Variants in TAOK3 observed in about 807,000 individuals in gnomAD.
The protein encoded by TAOK3 is TAO kinase 3, also known as serine/threonine-protein kinase TAO3.
Under a neutral mutation model 120.4 loss-of-function variants are expected in TAOK3, and 40 were observed. The ratio of observed to expected loss-of-function variants is 0.33; its 90% CI spans 0.26 to 0.43. The LOEUF is 0.43. TAOK3 is among the 20% of genes least tolerant of loss of function. The pLI is 1.00. For missense variants in TAOK3, 821 were observed against 1,112.1 expected, an observed-to-expected ratio of 0.74 and a Z score of 3.72; for synonymous variants, 355 against 387.5, an observed-to-expected ratio of 0.92 and a Z score of 0.99.
chr12:118,346,374 G>A (rs1168224094), intron 1 of TAOK3, among the ~76,000 whole-genome samples: 7 of 152,116 alleles, frequency 4.6e-5, no homozygotes, highest in Admixed American at 4.6e-4. Context: ...ATTTCAAAGT[G>A]ACATATATTT....
At chr12:118,172,338 T>C (rs1243562995) in intron 17 of TAOK3, 119 bp downstream of exon 17, 1 of 1,074,982 alleles carries the variant, frequency 9.3e-7, no homozygotes, top group Non-Finnish European at 1.4e-6. Context: ...TGTTAGCCAC[T>C]GTGCTAAAAG....
rs377072006 is a variant in TAOK3 at position 118,244,527 on chromosome 12, C to CTTTTT, written c.192+362_192+366dup. On this transcript the variant is annotated intron_variant, in intron 4 of 20. Coordinates refer to ENST00000392533, the MANE Select transcript of TAOK3 (RefSeq NM_016281.4). ...AAAGAATTTTGTTAATTTCTTTTTT[C>CTTTTT]TTTTTCTTTTTTTTTTTTTGAGACA... Among the ~76,000 whole-genome samples the CTTTTT allele has an allele frequency of 3.2e-4, 42 of 129,574 alleles. 13 individuals are homozygous for CTTTTT. The highest frequency in any genetic ancestry group is 4.0e-4 in the Admixed American group (5 of 12,346). The allele number at this position is 129,574 out of a possible 152,430, so 85.0% of individuals were successfully genotyped here.
At chr12:118,320,939 T>C (rs2043677349) in intron 1 of TAOK3, among the ~76,000 whole-genome samples, 1 of 152,132 alleles carries the variant, frequency 6.6e-6, no homozygotes, top group Non-Finnish European at 1.5e-5. Flanking sequence ...GTAGCTAATA[T>C]AACAAGAAGC....
chr12:118,213,906 A>G, intron 10 of TAOK3, 111 bp downstream of exon 10: 1 of 903,618 alleles, frequency 1.1e-6, no homozygotes, highest in Non-Finnish European at 1.7e-6. Flanking sequence ...AACAACATAC[A>G]GTGAAGGAAA....
At chr12:118,209,207 A>G (rs1415271528) in intron 11 of TAOK3, among the ~76,000 whole-genome samples, 1 of 152,216 alleles carries the variant, frequency 6.6e-6, no homozygotes, top group African/African-American at 2.4e-5. Flanking sequence ...ACAAAACAAT[A>G]TCCTAAGCAC....
chr12:118,326,756 T>C (rs2043952055), intron 1 of TAOK3, among the ~76,000 whole-genome samples: 1 of 152,236 alleles, frequency 6.6e-6, no homozygotes, highest in African/African-American at 2.4e-5. Flanking sequence ...TATCAGTTGC[T>C]GGTAAAACAT....
intron 1 of TAOK3, among the ~76,000 whole-genome samples, chr12:118,337,461 G>A (rs1176766804): frequency 6.6e-6 from 1 of 152,196 alleles, no homozygotes; most frequent in Non-Finnish European, 1.5e-5. Flanking sequence ...AAACTTGTAC[G>A]AGAATGTTCA....
chr12:118,195,943 A>G lies in TAOK3; in HGVS notation c.1194+3108T>C, dbSNP rs935541765. 1.6e-4 allele frequency among the ~76,000 whole-genome samples: 24 copies of G among 152,214 alleles called. 1 individual carries two copies. Among genetic ancestry groups the G allele is most frequent in the African/African-American group, 3.8e-4 (16 of 41,562 alleles). ...CAGGCGCCTGTAGTCCCAGCTACTC[A>G]GGAGGCTGATGCAGGAGAATGGCGT... On this transcript the variant is annotated intron_variant, in intron 13 of 20. Coordinates refer to ENST00000392533, the MANE Select transcript of TAOK3 (RefSeq NM_016281.4).
At position 118,150,436 on chromosome 12, in the gene TAOK3, G is replaced by A. The variant is rs1208753537; in HGVS notation, c.*561C>T. 8.0e-6 allele frequency: 1 copy of A among 125,660 alleles called. No homozygotes were observed. The highest frequency in any genetic ancestry group is 1.6e-5 in the Non-Finnish European group (1 of 64,198). The allele number at this position is 125,660 out of a possible 1,614,324, so 7.8% of individuals were successfully genotyped here. A position where few individuals can be genotyped will look rare whatever the true frequency, so the allele number is the denominator to read the frequency against. On this transcript the variant is annotated 3_prime_UTR_variant, in exon 21 of 21. Coordinates refer to ENST00000392533, the MANE Select transcript of TAOK3 (RefSeq NM_016281.4). ...ACCACTGATATGTACATCACAATTAGTTTCTGTAAAATGTATCAAATTTTC... is the reference window on the plus strand; with the variant it reads ...ACCACTGATATGTACATCACAATTAATTTCTGTAAAATGTATCAAATTTTC...
chr12:118,177,300 C>T lies in TAOK3; in HGVS notation c.1596G>A (p.Lys532=), dbSNP rs143685318. The change falls in exon 16 of 21, where the codon AAG becomes AAA. Residue 532 remains lysine (K), a synonymous_variant. Transcript: ENST00000392533. ...EAKVAAADEK[K]FQQQILAQQK... is the part of the protein sequence containing the mutation. ...GCTGGGCCAAGATCTGTTGCTGGAA[C>T]TTCTTCTCATCTGCTGCAGCTACCT... 1 of 1,613,662 alleles carries T rather than the reference C, an allele frequency of 6.2e-7. No homozygotes were observed. Among genetic ancestry groups the T allele is most frequent in the African/African-American group, 1.3e-5 (1 of 74,900 alleles).
chr12:118,168,564 A>G (rs1481148992), intron 17 of TAOK3, among the ~76,000 whole-genome samples: 9 of 152,196 alleles, frequency 5.9e-5, no homozygotes, highest in Admixed American at 6.5e-5. Context: ...TCTATTTTCA[A>G]TGTTCTTGAG....
intron 2 of TAOK3, chr12:118,256,178 A>G (rs536610325): frequency 1.3e-5 from 2 of 152,312 alleles, no homozygotes; most frequent in African/African-American, 4.8e-5. Context: ...ATCCTCAAAC[A>G]TCATTAGTTA....
chr12:118,158,769 T>C (rs1459798247), intron 19 of TAOK3, among the ~76,000 whole-genome samples: 2 of 152,112 alleles, frequency 1.3e-5, no homozygotes, highest in Non-Finnish European at 2.9e-5. Context: ...GTTCAACAGC[T>C]CTCCATTGCT....
At chr12:118,298,634 G>T (rs1300919630) in intron 1 of TAOK3, among the ~76,000 whole-genome samples, 4 of 152,004 alleles carry the variant, frequency 2.6e-5, no homozygotes, top group African/African-American at 9.7e-5. Context: ...TGTTATGGGG[G>T]AAAAAAGTAA....
intron 1 of TAOK3, among the ~76,000 whole-genome samples, chr12:118,365,258 G>C (rs1351572440): frequency 6.6e-6 from 1 of 152,084 alleles, no homozygotes; most frequent in African/African-American, 2.4e-5. Context: ...TTTTTAGACA[G>C]GGTCTTGCTC....
chr12:118,302,621 G>A (rs2042920060), intron 1 of TAOK3, among the ~76,000 whole-genome samples: 1 of 152,026 alleles, frequency 6.6e-6, no homozygotes, highest in Non-Finnish European at 1.5e-5. Context: ...TTTAATTGTG[G>A]CAAAGCAAAA....
intron 2 of TAOK3, chr12:118,261,803 TA>T (rs1157349998): frequency 3.9e-5 from 6 of 152,176 alleles, no homozygotes; most frequent in Admixed American, 6.5e-5. Flanking sequence ...CAAAAGCTAC[TA>T]GAACTTATTA....
chr12:118,175,159 T>A (rs2036243663), intron 16 of TAOK3, among the ~76,000 whole-genome samples: 1 of 152,208 alleles, frequency 6.6e-6, no homozygotes, highest in African/African-American at 2.4e-5. Flanking sequence ...TTCTACCCAT[T>A]CAGCCAGTGT....
chr12:118,305,707 T>C (rs996346179), intron 1 of TAOK3, among the ~76,000 whole-genome samples: 13 of 152,000 alleles, frequency 8.6e-5, no homozygotes, highest in Admixed American at 2.0e-4. Flanking sequence ...GAATTCAGAC[T>C]AGCCTGACCA....
Sources: allele counts gnomAD v4.1 joint callset (sites outside exome capture counted in the v4.1 genomes callset), GRCh38; gene constraint gnomAD v4.1.1; transcripts MANE v1.5; gene names NCBI Gene and HGNC (gene_info 2026-07-23, HGNC 2026-07-21).